The following PRKAR1B variants were observed in gnomAD, a reference collection of about 807,000 sequenced individuals.
The protein encoded by PRKAR1B is protein kinase cAMP-dependent type I regulatory subunit beta.
A neutral mutation model predicts 46.5 loss-of-function variants in PRKAR1B; 22 were observed. That is an observed-to-expected ratio of 0.47 (90% CI 0.34 to 0.68). The LOEUF is 0.68. Ranked by LOEUF, PRKAR1B falls within the 30% of genes least tolerant of loss-of-function variation. PRKAR1B has a pLI of 0.01. For missense variants in PRKAR1B, 445 were observed against 535.6 expected (o/e 0.83, Z 1.67); for synonymous variants, 259 against 217.7 (o/e 1.19, Z -1.67).
intron 4 of PRKAR1B, among the ~76,000 whole-genome samples, chr7:643,621 C>T (rs1292731602): frequency 6.6e-6 from 1 of 150,886 alleles, no homozygotes; most frequent in Non-Finnish European, 1.5e-5. Context: ...ACTCGGGAGG[C>T]TGAGGCAGGA....
intron 2 of PRKAR1B, among the ~76,000 whole-genome samples, chr7:710,631 A>G (rs1315894427): frequency 1.5e-5 from 2 of 136,804 alleles, no homozygotes; most frequent in Non-Finnish European, 3.1e-5. Context: ...CATGGGAGCT[A>G]TTTTCTTTTT....
intron 4 of PRKAR1B, among the ~76,000 whole-genome samples, chr7:631,903 G>C (rs1181149695): frequency 6.6e-6 from 1 of 151,990 alleles, no homozygotes; most frequent in African/African-American, 2.4e-5. Context: ...GCTGCATAGA[G>C]CTGTGATGGC....
At chr7:655,384 A>C (rs909108059) in intron 4 of PRKAR1B, among the ~76,000 whole-genome samples, 5 of 152,096 alleles carry the variant, frequency 3.3e-5, no homozygotes, top group Non-Finnish European at 5.9e-5. Context: ...GGGCCTTTGC[A>C]CCTGCCCTCC....
chr7:695,716 T>A (rs1041221497), intron 2 of PRKAR1B, among the ~76,000 whole-genome samples: 2 of 151,706 alleles, frequency 1.3e-5, no homozygotes, highest in Non-Finnish European at 2.9e-5. Context: ...CAGGCTGGAG[T>A]GTAGTGGCGT....
upstream of PRKAR1B, among the ~76,000 whole-genome samples, chr7:727,845 C>G (rs1302783658): frequency 6.7e-6 from 1 of 149,976 alleles, no homozygotes; most frequent in Non-Finnish European, 1.5e-5. Context: ...CCCGGGCCCA[C>G]GAGCCAGCGC....
intron 2 of PRKAR1B, among the ~76,000 whole-genome samples, chr7:694,900 G>C (rs968000416): frequency 7.9e-5 from 12 of 152,058 alleles, no homozygotes; most frequent in African/African-American, 2.4e-4. Context: ...GCCAGGCGTG[G>C]TGGTGGGCAC....
intron 9 of PRKAR1B, among the ~76,000 whole-genome samples, chr7:578,608 C>T (rs1779994973): frequency 6.6e-6 from 1 of 152,154 alleles, no homozygotes; most frequent in South Asian, 2.1e-4. Flanking sequence ...TGCCATCCCC[C>T]ACCCCACTCC....
chr7:614,718 C>T (rs1782707223), intron 4 of PRKAR1B, among the ~76,000 whole-genome samples: 2 of 152,268 alleles, frequency 1.3e-5, no homozygotes, highest in South Asian at 4.1e-4. Flanking sequence ...TCGAGACCAG[C>T]CTGACCAACA....
At chr7:684,878 A>G (rs1407647478) in intron 2 of PRKAR1B, among the ~76,000 whole-genome samples, 1 of 146,280 alleles carries the variant, frequency 6.8e-6, no homozygotes, top group Non-Finnish European at 1.5e-5. Context: ...TCACACAGAC[A>G]CACACACACA....
chr7:551,201 C>T (rs1452511932), intron 10 of PRKAR1B, among the ~76,000 whole-genome samples, 188 bp downstream of exon 10: 1 of 152,140 alleles, frequency 6.6e-6, no homozygotes, highest in African/African-American at 2.4e-5. Flanking sequence ...GGACCCAGAC[C>T]TGGCCCTGGG....
intron 4 of PRKAR1B, among the ~76,000 whole-genome samples, chr7:635,396 A>T (rs551654389): frequency 6.6e-6 from 1 of 152,218 alleles, no homozygotes; most frequent in Non-Finnish European, 1.5e-5. Context: ...CAGGGGTCAG[A>T]GCAGCAGGCC....
At chr7:727,793 T>C, upstream of PRKAR1B, 1 of 119,498 alleles carries the variant, frequency 8.4e-6, no homozygotes, top group Non-Finnish European at 1.7e-5. Context: ...CCCGCGACCC[T>C]CACCTCCCAC....
chr7:633,497 C>T (rs1783878224), intron 4 of PRKAR1B, among the ~76,000 whole-genome samples: 1 of 152,180 alleles, frequency 6.6e-6, no homozygotes, highest in Non-Finnish European at 1.5e-5. Context: ...GGCATGGTGG[C>T]TTACACCTGT....
At chr7:584,243 AC>A (rs1562538444) in intron 8 of PRKAR1B, among the ~76,000 whole-genome samples, 1 of 152,206 alleles carries the variant, frequency 6.6e-6, no homozygotes, top group Non-Finnish European at 1.5e-5. Context: ...CAGACAGGAA[AC>A]GCACAGGATG....
intron 4 of PRKAR1B, among the ~76,000 whole-genome samples, chr7:670,838 C>T (rs1458158468): frequency 6.6e-6 from 1 of 151,478 alleles, no homozygotes; most frequent in East Asian, 2.0e-4. Flanking sequence ...GGCAGCGGGG[C>T]TCCGGACCGA....
In PRKAR1B at chr7:550,579, G is replaced by T; in HGVS notation, c.997C>A (p.Arg333=). Residue 333 remains arginine, a synonymous_variant, in exon 11 of 11, where the codon CGG becomes AGG. Transcript: ENST00000537384. ...GCCACGACAGTGGCCGCCCGGGGCC[G>T]GTTCAGCAGCAGTGCAATCTCCCCT... ...YFGEIALLLN[R]PRAATVVARG... The T allele has an allele frequency of 6.3e-7, 1 of 1,590,518 alleles. No homozygotes were observed. The highest frequency in any genetic ancestry group is 8.5e-7 in the Non-Finnish European group (1 of 1,170,700).
At chr7:608,793 G>A (rs368955425) in intron 4 of PRKAR1B, among the ~76,000 whole-genome samples, 62 of 81,670 alleles carry the variant, frequency 7.6e-4, no homozygotes, top group African/African-American at 3.8e-3. Flanking sequence ...CTGGGGAGGG[G>A]TCAGTGTGTG....
chr7:597,337 A>G (rs1781323180), intron 6 of PRKAR1B, among the ~76,000 whole-genome samples: 1 of 152,208 alleles, frequency 6.6e-6, no homozygotes, highest in East Asian at 1.9e-4. Context: ...ACAATTAGGT[A>G]CAAGTGAGCG....
Position 727,273 on chromosome 7 carries a change from G to T in PRKAR1B, c.-86C>A. 1 of 1,319,236 alleles carries T rather than the reference G, an allele frequency of 7.6e-7. No individual in the cohort carries two copies. The highest frequency in any genetic ancestry group is 2.0e-5 in the South Asian group (1 of 49,776). 81.7% of individuals were successfully genotyped at this position (1,319,236 alleles called of 1,614,324 possible). ...CGACCCCTTCGCCGCCGTGCGCCGC[G>T]AGAGCTGCAGCTGCGCCGCCGCCCT... is the stretch of plus-strand genomic sequence containing the variant. On this transcript the variant is annotated 5_prime_UTR_variant, in exon 1 of 11. Transcript: ENST00000537384.
Sources: gnomAD v4.1 joint callset for allele counts (sites outside exome capture counted in the v4.1 genomes callset) on GRCh38, gnomAD v4.1.1 for gene constraint, MANE v1.5 for transcripts, NCBI Gene and HGNC (gene_info 2026-07-23, HGNC 2026-07-21) for gene names.